GDI2: variants seen among roughly 807,000 people sequenced by gnomAD.
The protein encoded by GDI2 is GDP dissociation inhibitor 2.
A neutral mutation model predicts 54.2 loss-of-function variants in GDI2; 22 were observed. That is an observed-to-expected ratio of 0.41 (90% CI 0.29 to 0.58). The LOEUF is 0.58. Among genes scored for constraint, GDI2 ranks in the 20% least tolerant of loss-of-function variants. The pLI is 0.35. For synonymous variants in GDI2, 177 were observed against 182.1 expected, an observed-to-expected ratio of 0.97 and a Z score of 0.23; for missense variants, 422 against 546.0, an observed-to-expected ratio of 0.77 and a Z score of 2.26.
Position 5,766,701 on chromosome 10 carries a change from G to A in GDI2, c.992-63C>T, listed in dbSNP as rs1439745648. The A allele has an allele frequency of 6.0e-6, 8 of 1,328,416 alleles. No individual in the cohort carries two copies. In the Admixed American group the frequency reaches 1.2e-4, roughly 20 times the overall value. The allele number at this position is 1,328,416 out of a possible 1,614,324, so 82.3% of individuals were successfully genotyped here. ...CTCCATCTGGGACCCAACATACTCA[G>A]GTATCACCCATATGTCATGAGGTGT... On this transcript the variant is annotated intron_variant, in intron 8 of 10. Coordinates refer to ENST00000380191, the MANE Select transcript of GDI2 (RefSeq NM_001494.4). The surrounding 1 kb of genome is among the most constrained non-coding windows in gnomAD (Gnocchi z 5.8).
At chr10:5,791,161 T>C (rs1433771241) in intron 4 of GDI2, among the ~76,000 whole-genome samples, 1 of 151,946 alleles carries the variant, frequency 6.6e-6, no homozygotes, top group Non-Finnish European at 1.5e-5. Context: ...ATTATAGGCA[T>C]GTGTATCCCT....
intron 6 of GDI2, among the ~76,000 whole-genome samples, chr10:5,780,664 C>T (rs1039847130): frequency 7.9e-5 from 12 of 152,142 alleles, no homozygotes; most frequent in African/African-American, 2.7e-4. Context: ...TTAACAGCAG[C>T]ATCAATACAA....
Position 5,774,642 on chromosome 10 carries a change from T to C in GDI2, c.720-701A>G, listed in dbSNP as rs1189909540. ...ATGGATGGCTCTTCGGGGTCCACAC[T>C]GAGCAGACCTGAGACACTAATGGCC... On this transcript the variant is annotated intron_variant, in intron 6 of 10. Coordinates refer to ENST00000380191, the MANE Select transcript of GDI2 (RefSeq NM_001494.4). This position sits in a 1 kb window ranked among gnomAD's most constrained non-coding sequence, Gnocchi z 4.8. Among the ~76,000 whole-genome samples, 1 of 152,122 alleles carries C rather than the reference T, an allele frequency of 6.6e-6. No individual in the cohort carries two copies. The highest frequency in any genetic ancestry group is 1.5e-5 in the Non-Finnish European group (1 of 68,016).
At chr10:5,788,953 G>C (rs7093027) in intron 4 of GDI2, among the ~76,000 whole-genome samples, 18,215 of 152,062 alleles carry the variant, frequency 0.12, 1,154 homozygotes, top group East Asian at 0.15. Flanking sequence ...TTTTAGTAGA[G>C]ATGGGGTTTC....
In GDI2 at chr10:5,786,134, C is replaced by T. The variant is rs535313836; in HGVS notation, c.389-84G>A. The T allele has an allele frequency of 1.1e-4, 89 of 792,224 alleles. No individual in the cohort carries two copies. The South Asian group carries it at 1.3e-3, about 11-fold the overall frequency. The allele number at this position is 792,224 out of a possible 1,614,324, so 49.1% of individuals were successfully genotyped here. On this transcript the variant is annotated intron_variant, in intron 4 of 10. Coordinates refer to ENST00000380191, the MANE Select transcript of GDI2 (RefSeq NM_001494.4). The stretch of plus-strand genomic sequence containing the variant: ...AGTATGAGAGCAAAGTTTAAACATG[C>T]CTTGTTATCAACTGCGGAATGCAGG...
At chr10:5,794,700 C>T (rs187766002) in intron 4 of GDI2, among the ~76,000 whole-genome samples, 185 bp downstream of exon 4, 20 of 152,230 alleles carry the variant, frequency 1.3e-4, no homozygotes, top group South Asian at 1.0e-3. Context: ...AAGCTTCAAA[C>T]GGGTAGGAAT....
At position 5,796,817 on chromosome 10, in the gene GDI2, C is replaced by T; in HGVS notation, c.199G>A (p.Gly67Arg). The change falls in exon 3 of 11, where the codon GGG becomes AGG. Residue 67 changes from glycine to arginine, a missense_variant. Coordinates refer to ENST00000380191, the MANE Select transcript of GDI2 (RefSeq NM_001494.4). ...KIPGSPPESM[G>R]RGRDWNVDLI... The stretch of plus-strand genomic sequence containing the variant: ...TCAACATTCCAGTCTCTTCCTCTCC[C>T]CATTGACTCGGGTGGTGATCCTGGT... 1 of 1,593,556 alleles carries T rather than the reference C, an allele frequency of 6.3e-7. No homozygotes were observed. The highest frequency in any genetic ancestry group is 1.1e-5 in the South Asian group (1 of 90,526).
At position 5,785,196 on chromosome 10, in the gene GDI2, C is replaced by CT; in HGVS notation, c.664dup (p.Ser222LysfsTer32). 1 of 1,610,654 alleles carries CT rather than the reference C, an allele frequency of 6.2e-7. No homozygotes were observed. The highest frequency in any genetic ancestry group is 2.2e-5 in the East Asian group (1 of 44,848). On this transcript the variant is annotated frameshift_variant, in exon 6 of 11. Coordinates refer to ENST00000380191, the MANE Select transcript of GDI2 (RefSeq NM_001494.4). LOFTEE classifies it high-confidence loss of function. ...GCCATAGAGTGGATAAAGGTATGGG[C>CT]TTTTGCCATATCTTGCCAAAGATTC...
chr10:5,785,987 T>C lies in GDI2; in HGVS notation c.452A>G (p.Asp151Gly), dbSNP rs866985835. Residue 151 changes from aspartate (D) to glycine (G), a missense_variant, in exon 5 of 11, where the codon GAT (aspartate) becomes GGT (glycine). Physicochemically the swap from Asp to Gly is moderately conservative, Grantham distance 94. Coordinates refer to ENST00000380191, the MANE Select transcript of GDI2 (RefSeq NM_001494.4). ...TTCAAAAGTTCTTGGATCTTTTTCA[T>C]CGAAGTTGGCAACATACACTAGGAA... ...RKFLVYVANF[D>G]EKDPRTFEGI... 2 of 1,613,674 alleles carry C rather than the reference T, an allele frequency of 1.2e-6. No homozygotes were observed. The highest frequency in any genetic ancestry group is 2.2e-5 in the East Asian group (1 of 44,864).
chr10:5,794,874 A>G lies in GDI2; in HGVS notation c.388+11T>C. ...ATAAAACTAGTTACTAGAGAAAATA[A>G]AACTACTTACTAGATGCCAGGGCTT... On this transcript the variant is annotated intron_variant, in intron 4 of 10. Transcript: ENST00000380191. The G allele has an allele frequency of 3.2e-6, 5 of 1,576,632 alleles. No individual in the cohort carries two copies. Among genetic ancestry groups the G allele is most frequent in the Non-Finnish European group, 4.3e-6 (5 of 1,150,310 alleles).
At chr10:5,780,257 T>C (rs866452024) in intron 6 of GDI2, among the ~76,000 whole-genome samples, 19 of 130,658 alleles carry the variant, frequency 1.5e-4, no homozygotes, top group African/African-American at 5.4e-4. Flanking sequence ...GACCAAACTA[T>C]AAATATAAGT....
At chr10:5,806,920 T>A (rs1446374246) in intron 1 of GDI2, among the ~76,000 whole-genome samples, 1 of 152,132 alleles carries the variant, frequency 6.6e-6, no homozygotes, top group Non-Finnish European at 1.5e-5. Flanking sequence ...ACACTAAGCA[T>A]GACCCACTGG....
chr10:5,776,712 C>A lies in GDI2; in HGVS notation c.720-2771G>T. 1 of 1,469,030 alleles carries A rather than the reference C, an allele frequency of 6.8e-7. No homozygotes were observed. Among genetic ancestry groups the A allele is most frequent in the Admixed American group, 1.7e-5 (1 of 58,094 alleles). The allele number at this position is 1,469,030 out of a possible 1,614,324, so 91.0% of individuals were successfully genotyped here. Reference sequence around the variant, plus strand: ...AGCTTGCCGCCACATTCAGAAACTGCTACAGCCTCTTTAACCTGGCAGAAG... The same window carrying A: ...AGCTTGCCGCCACATTCAGAAACTGATACAGCCTCTTTAACCTGGCAGAAG... On this transcript the variant is annotated intron_variant, in intron 6 of 10. Transcript: ENST00000380191. This position sits in a 1 kb window ranked among gnomAD's most constrained non-coding sequence, Gnocchi z 5.3.
intron 2 of GDI2, among the ~76,000 whole-genome samples, chr10:5,797,802 T>A (rs1032993150): frequency 2.6e-5 from 4 of 152,184 alleles, no homozygotes; most frequent in Non-Finnish European, 4.4e-5. Context: ...CTATACGGAC[T>A]GTATATGCAG....
chr10:5,766,698 T>A lies in GDI2; in HGVS notation c.992-60A>T. On this transcript the variant is annotated intron_variant, in intron 8 of 10. Transcript: ENST00000380191. This position sits in a 1 kb window ranked among gnomAD's most constrained non-coding sequence, Gnocchi z 5.8. Reference sequence around the variant, plus strand: ...TGTCTCCATCTGGGACCCAACATACTCAGGTATCACCCATATGTCATGAGG... The same window carrying A: ...TGTCTCCATCTGGGACCCAACATACACAGGTATCACCCATATGTCATGAGG... The A allele has an allele frequency of 4.4e-6, 6 of 1,376,594 alleles. No individual in the cohort carries two copies. The highest frequency in any genetic ancestry group is 6.2e-6 in the Non-Finnish European group (6 of 966,392). 85.3% of individuals were successfully genotyped at this position (1,376,594 alleles called of 1,614,324 possible). A position where few individuals can be genotyped will look rare whatever the true frequency, so the allele number is the denominator to read the frequency against.
At chr10:5,803,673 A>C (rs1841316151) in intron 1 of GDI2, among the ~76,000 whole-genome samples, 1 of 152,206 alleles carries the variant, frequency 6.6e-6, no homozygotes, top group South Asian at 2.1e-4. Context: ...ATTGACCATC[A>C]ACCGAAAAGT....
Position 5,766,434 on chromosome 10 carries a change from T to C in GDI2, c.1136+60A>G. On this transcript the variant is annotated intron_variant, in intron 9 of 10. Coordinates refer to ENST00000380191, the MANE Select transcript of GDI2 (RefSeq NM_001494.4). The surrounding 1 kb of genome is among the most constrained non-coding windows in gnomAD (Gnocchi z 5.8). Reference sequence around the variant, plus strand: ...CCTTGCCCTCACATTCGTCCCACCATGGAGCCACAATCAAAGGCCTCAGTT... The same window carrying C: ...CCTTGCCCTCACATTCGTCCCACCACGGAGCCACAATCAAAGGCCTCAGTT... 6.3e-7 allele frequency: 1 copy of C among 1,589,084 alleles called. No homozygotes were observed. Among genetic ancestry groups the C allele is most frequent in the Non-Finnish European group, 8.6e-7 (1 of 1,158,194 alleles).
chr10:5,785,068 A>C (rs1195439967), intron 6 of GDI2, 74 bp downstream of exon 6: 1 of 998,086 alleles, frequency 1.0e-6, no homozygotes, highest in Non-Finnish European at 1.4e-6. Context: ...CTCATTATTT[A>C]AACTATATCT....
intron 1 of GDI2, among the ~76,000 whole-genome samples, chr10:5,806,171 C>A (rs1178524272): frequency 2.0e-5 from 3 of 152,186 alleles, no homozygotes; most frequent in Non-Finnish European, 4.4e-5. Flanking sequence ...TGTTTCAAAT[C>A]CTTGACCACT....
Sources: allele counts gnomAD v4.1 joint callset (sites outside exome capture counted in the v4.1 genomes callset), GRCh38; gene constraint gnomAD v4.1.1; non-coding constraint Gnocchi (gnomAD v3.1); transcripts MANE v1.5; gene names NCBI Gene and HGNC (gene_info 2026-07-23, HGNC 2026-07-21).